RALGAPA2: variants seen among roughly 807,000 people sequenced by gnomAD.
RALGAPA2 encodes the protein Ral GTPase activating protein catalytic subunit alpha 2.
A neutral mutation model predicts 230.4 loss-of-function variants in RALGAPA2; 139 were observed. That is an observed-to-expected ratio of 0.60 (90% CI 0.53 to 0.69). The LOEUF is 0.69. Ranked by LOEUF, RALGAPA2 falls within the 30% of genes least tolerant of loss-of-function variation. The probability of loss-of-function intolerance (pLI) is 0.00; values close to 1 mark genes in which losing one functional copy is unlikely to be tolerated. For synonymous variants in RALGAPA2, 847 were observed against 837.8 expected (o/e 1.01, Z -0.19); for missense variants, 2,163 against 2,276.0 (o/e 0.95, Z 1.01).
intron 37 of RALGAPA2, chr20:20,471,409 A>G (rs2061537152): frequency 6.6e-6 from 1 of 151,098 alleles, no homozygotes; most frequent in Non-Finnish European, 1.5e-5. Context: ...CATTTGTAAA[A>G]TAAGATTTTT....
chr20:20,524,546 GGAA>G lies in RALGAPA2; in HGVS notation c.3763-6_3763-4del. The G allele has an allele frequency of 3.7e-6, 6 of 1,613,780 alleles. No individual in the cohort carries two copies. The highest frequency in any genetic ancestry group is 1.1e-5 in the South Asian group (1 of 91,066). On this transcript the variant is annotated splice_polypyrimidine_tract_variant and splice_region_variant and intron_variant, in intron 29 of 39. Coordinates refer to ENST00000202677, the MANE Select transcript of RALGAPA2 (RefSeq NM_020343.4). ...CAGAGTAGCAAGGACACAATAAACT[GGAA>G]GAAGAACATGCCCGGTAGCTTATGC... is the stretch of plus-strand genomic sequence containing the variant.
chr20:20,486,625 T>C (rs1040121465), intron 36 of RALGAPA2, among the ~76,000 whole-genome samples: 2 of 152,236 alleles, frequency 1.3e-5, no homozygotes, highest in Admixed American at 6.5e-5. Context: ...TTCCTGGATC[T>C]GTCATTAATT....
At chr20:20,647,933 T>C (rs2067270434) in intron 4 of RALGAPA2, among the ~76,000 whole-genome samples, 1 of 152,188 alleles carries the variant, frequency 6.6e-6, no homozygotes, top group African/African-American at 2.4e-5. Flanking sequence ...TACAACCACT[T>C]TGGAAAACAG....
In RALGAPA2 at chr20:20,398,261, T is replaced by C. The variant is rs1036342265; in HGVS notation, c.5618-1527A>G. ...CTCTGCAGCCCCTCAGCCCTGGTTA[T>C]GCTGTGCGTACAGGCACCCGATTGG... On this transcript the variant is annotated intron_variant, in intron 38 of 39. Transcript: ENST00000202677. This position sits in a 1 kb window ranked among gnomAD's most constrained non-coding sequence, Gnocchi z 4.5. Among the ~76,000 whole-genome samples the C allele has an allele frequency of 6.6e-6, 1 of 152,214 alleles. No individual in the cohort carries two copies. The highest frequency in any genetic ancestry group is 2.4e-5 in the African/African-American group (1 of 41,466).
rs185747184 is a variant in RALGAPA2, at chr20:20,603,696, G to A, written c.2038+1479C>T. Among the ~76,000 whole-genome samples the A allele has an allele frequency of 3.6e-4, 55 of 152,314 alleles. 1 individual carries two copies. The highest frequency in any genetic ancestry group is 2.3e-3 in the East Asian group (12 of 5,186). ...GCTGCCTAGCTGACTATTTCACAGC[G>A]TGGTTGACTGCAAACACAGAAGCAA... is the stretch of plus-strand genomic sequence containing the variant. On this transcript the variant is annotated intron_variant, in intron 15 of 39. Coordinates refer to ENST00000202677, the MANE Select transcript of RALGAPA2 (RefSeq NM_020343.4).
chr20:20,632,858 T>C (rs1603136061), intron 9 of RALGAPA2, among the ~76,000 whole-genome samples: 1 of 152,188 alleles, frequency 6.6e-6, no homozygotes, highest in African/African-American at 2.4e-5. Flanking sequence ...ACTCTTTACA[T>C]AGCAGAGATA....
At chr20:20,543,588 G>C (rs1161397303) in intron 24 of RALGAPA2, among the ~76,000 whole-genome samples, 1 of 152,140 alleles carries the variant, frequency 6.6e-6, no homozygotes, top group Non-Finnish European at 1.5e-5. Context: ...TAGGAACATG[G>C]ATGAAGCTGG....
rs541310780 is a variant in RALGAPA2 at position 20,513,020 on chromosome 20, C to T, written c.4349G>A (p.Gly1450Glu). Residue 1450 changes from glycine to glutamate, a missense_variant, in exon 32 of 40, where the codon GGA becomes GAA. Gly to Glu is a moderately conservative substitution (Grantham distance 98). Coordinates refer to ENST00000202677, the MANE Select transcript of RALGAPA2 (RefSeq NM_020343.4). ...ATCAGAGAGAGAGCCCACTGGTGAT[C>T]CCCCTACCGGTCCTTCTGTGGGTGT... ...LQTPTEGPVG[G>E]SPVGSLSDVR... 16 of 1,613,492 alleles carry T rather than the reference C, an allele frequency of 9.9e-6. No individual in the cohort carries two copies. The highest frequency in any genetic ancestry group is 2.7e-5 in the African/African-American group (2 of 74,914).
At chr20:20,547,535 T>C (rs780819947) in intron 23 of RALGAPA2, among the ~76,000 whole-genome samples, 1 of 152,212 alleles carries the variant, frequency 6.6e-6, no homozygotes, top group Non-Finnish European at 1.5e-5. Flanking sequence ...AGCTCTGGTC[T>C]GAAGCAGATA....
At chr20:20,589,130 T>A in intron 18 of RALGAPA2, 138 bp downstream of exon 18, 1 of 1,196,012 alleles carries the variant, frequency 8.4e-7, no homozygotes, top group Non-Finnish European at 1.1e-6. Flanking sequence ...TTAAAAGATC[T>A]CAACATCATT....
intron 37 of RALGAPA2, among the ~76,000 whole-genome samples, chr20:20,460,495 G>C (rs2061276162): frequency 6.6e-6 from 1 of 152,150 alleles, no homozygotes. Context: ...TGCCATGAAG[G>C]AAAGAGAATA....
intron 10 of RALGAPA2, among the ~76,000 whole-genome samples, chr20:20,628,619 G>C (rs553172045): frequency 6.6e-6 from 1 of 152,284 alleles, no homozygotes; most frequent in Non-Finnish European, 1.5e-5. Flanking sequence ...GGCATTGCAG[G>C]ATATTTAACA....
intron 1 of RALGAPA2, among the ~76,000 whole-genome samples, chr20:20,685,096 C>T (rs6137097): frequency 0.081 from 12,245 of 150,718 alleles, 692 homozygotes; most frequent in East Asian, 0.16. Flanking sequence ...TCAAGAAAAA[C>T]AGAGATATAA....
chr20:20,535,807 A>C lies in RALGAPA2; in HGVS notation c.3415-4T>G, dbSNP rs1471773672. 1 of 1,545,104 alleles carries C rather than the reference A, an allele frequency of 6.5e-7. No homozygotes were observed. The highest frequency in any genetic ancestry group is 1.2e-5 in the South Asian group (1 of 82,226). ...GTAAAATATTTATGAGGTAATGCTA[A>C]AAACACAAAATTAAGTAAAATAAAA... is the stretch of plus-strand genomic sequence containing the variant. On this transcript the variant is annotated splice_region_variant and splice_polypyrimidine_tract_variant and intron_variant, in intron 25 of 39. Transcript: ENST00000202677.
chr20:20,420,926 C>T (rs1055177670), intron 37 of RALGAPA2, among the ~76,000 whole-genome samples: 2 of 152,238 alleles, frequency 1.3e-5, no homozygotes, highest in African/African-American at 4.8e-5. Flanking sequence ...CTCCCCACTA[C>T]TGGCCGCTTT....
intron 37 of RALGAPA2, among the ~76,000 whole-genome samples, chr20:20,413,216 G>T (rs973053470): frequency 6.6e-6 from 1 of 152,210 alleles, no homozygotes; most frequent in African/African-American, 2.4e-5. Flanking sequence ...AGTAACTCTA[G>T]CATTTCTCAC....
chr20:20,581,130 G>C (rs1417274061), intron 20 of RALGAPA2, among the ~76,000 whole-genome samples: 2 of 152,144 alleles, frequency 1.3e-5, no homozygotes, highest in Non-Finnish European at 2.9e-5. Flanking sequence ...CGGAGTATTT[G>C]GAGGAGTTAA....
At chr20:20,417,249 T>C (rs1159400842) in intron 37 of RALGAPA2, among the ~76,000 whole-genome samples, 1 of 152,180 alleles carries the variant, frequency 6.6e-6, no homozygotes, top group African/African-American at 2.4e-5. Flanking sequence ...CCTCCTTATG[T>C]TAGTTTTCTG....
At chr20:20,553,576 C>A (rs2063993053) in intron 23 of RALGAPA2, among the ~76,000 whole-genome samples, 1 of 151,936 alleles carries the variant, frequency 6.6e-6, no homozygotes, top group African/African-American at 2.4e-5. Flanking sequence ...CAAAACAAAA[C>A]ACAATACCTA....
Sources: gnomAD v4.1 joint callset for allele counts (sites outside exome capture counted in the v4.1 genomes callset) on GRCh38, gnomAD v4.1.1 for gene constraint, Gnocchi (gnomAD v3.1) non-coding constraint, MANE v1.5 for transcripts, NCBI Gene and HGNC (gene_info 2026-07-23, HGNC 2026-07-21) for gene names.